Variants in SLC20A2 observed in about 807,000 individuals in gnomAD.
SLC20A2 encodes sodium-dependent phosphate transporter 2.
A neutral mutation model predicts 61.0 loss-of-function variants in SLC20A2; 30 were observed. The observed-to-expected ratio is 0.49, with a 90% confidence interval of 0.37 to 0.67. SLC20A2 has a LOEUF of 0.67. SLC20A2 is among the 30% of genes least tolerant of loss of function. The pLI is 0.00. For synonymous variants in SLC20A2, 351 were observed against 353.3 expected (o/e 0.99, Z 0.07); for missense variants, 626 against 866.4 (o/e 0.72, Z 3.48).
chr8:42,483,718 G>A (rs781731902), intron 1 of SLC20A2, among the ~76,000 whole-genome samples: 3 of 152,154 alleles, frequency 2.0e-5, no homozygotes, highest in Admixed American at 1.3e-4. Flanking sequence ...GTAGATATTC[G>A]TGAGCAAATC....
At chr8:42,533,803 C>A (rs1287968112) in intron 1 of SLC20A2, among the ~76,000 whole-genome samples, 1 of 151,038 alleles carries the variant, frequency 6.6e-6, no homozygotes, top group Non-Finnish European at 1.5e-5. Flanking sequence ...GGATTACAGG[C>A]GTGCACCACC....
chr8:42,429,142 C>A (rs1356854957), intron 9 of SLC20A2, among the ~76,000 whole-genome samples: 4 of 152,158 alleles, frequency 2.6e-5, no homozygotes, highest in African/African-American at 9.7e-5. Flanking sequence ...TCAGTCATTT[C>A]TAAAACGCAA....
chr8:42,492,342 C>G (rs755800330), intron 1 of SLC20A2, among the ~76,000 whole-genome samples: 1 of 152,116 alleles, frequency 6.6e-6, no homozygotes, highest in African/African-American at 2.4e-5. Context: ...GGCAACAGAA[C>G]AAGACTCTGT....
chr8:42,477,090 G>A (rs948881518), intron 1 of SLC20A2, among the ~76,000 whole-genome samples: 4 of 152,284 alleles, frequency 2.6e-5, no homozygotes, highest in African/African-American at 7.2e-5. Context: ...AGGCCCCGTC[G>A]CAGTTCTGTT....
chr8:42,429,624 G>A (rs1473441265), intron 9 of SLC20A2, among the ~76,000 whole-genome samples: 3 of 152,184 alleles, frequency 2.0e-5, no homozygotes, highest in African/African-American at 7.2e-5. Context: ...GGCAGGGGGC[G>A]CCTCCCTGTC....
intron 1 of SLC20A2, among the ~76,000 whole-genome samples, chr8:42,497,796 C>A (rs1330474925): frequency 3.3e-5 from 5 of 150,752 alleles, no homozygotes; most frequent in Non-Finnish European, 7.4e-5. Context: ...ACCTTAGAGA[C>A]TGGCTGAGGT....
intron 7 of SLC20A2, among the ~76,000 whole-genome samples, chr8:42,438,050 TAAAAAAAAAAACC>T (rs1325604838): frequency 0.044 from 700 of 15,970 alleles, 35 homozygotes; most frequent in South Asian, 0.17. Context: ...TGGTTACCAC[TAAAAAAAAAAACC>T]AAAAAAAAAA....
At chr8:42,510,072 G>C (rs568847626) in intron 1 of SLC20A2, among the ~76,000 whole-genome samples, 1 of 152,228 alleles carries the variant, frequency 6.6e-6, no homozygotes, top group East Asian at 1.9e-4. Context: ...AATTTGGCTT[G>C]AACTAGATAT....
chr8:42,526,641 C>T (rs1811970569), intron 1 of SLC20A2, among the ~76,000 whole-genome samples: 1 of 149,574 alleles, frequency 6.7e-6, no homozygotes, highest in Non-Finnish European at 1.5e-5. Flanking sequence ...CCACTGCACC[C>T]CAGCCTGGGC....
chr8:42,532,827 C>A (rs762263915), intron 1 of SLC20A2, among the ~76,000 whole-genome samples: 3 of 151,998 alleles, frequency 2.0e-5, no homozygotes, highest in Non-Finnish European at 4.4e-5. Flanking sequence ...GGACCACAGG[C>A]GAGGGTGAAG....
intron 1 of SLC20A2, among the ~76,000 whole-genome samples, chr8:42,520,269 C>T (rs1451793645): frequency 6.6e-6 from 1 of 151,532 alleles, no homozygotes; most frequent in Non-Finnish European, 1.5e-5. Context: ...CCGCCTCAGC[C>T]TCCCAAAGTG....
At chr8:42,491,896 A>T (rs1809543541) in intron 1 of SLC20A2, among the ~76,000 whole-genome samples, 1 of 152,190 alleles carries the variant, frequency 6.6e-6, no homozygotes, top group Non-Finnish European at 1.5e-5. Context: ...GGTGTGCAGG[A>T]GAGCTTTGGG....
intron 8 of SLC20A2, among the ~76,000 whole-genome samples, chr8:42,436,729 C>G (rs1804291163): frequency 6.6e-6 from 1 of 152,244 alleles, no homozygotes; most frequent in South Asian, 2.1e-4. Flanking sequence ...CGTCACCGGC[C>G]AGCCCTTCCC....
intron 1 of SLC20A2, chr8:42,541,548 G>A (rs1468972900): frequency 6.8e-6 from 1 of 146,434 alleles, no homozygotes; most frequent in Non-Finnish European, 1.5e-5. Context: ...CTGGCTCCTC[G>A]TTTCATCCGG....
chr8:42,424,401 C>T lies in SLC20A2; in HGVS notation c.1794+4357G>A, dbSNP rs556279366. ...TGCAATCTCCACTCACCACAACCTC[C>T]GCCTCCCGGGTTCAAGCGATTCTCC... is the stretch of plus-strand genomic sequence containing the variant. On this transcript the variant is annotated intron_variant, in intron 10 of 10. Coordinates refer to ENST00000520262, the MANE Select transcript of SLC20A2 (RefSeq NM_001257180.2). Among the ~76,000 whole-genome samples the T allele has an allele frequency of 8.5e-5, 13 of 152,246 alleles. No individual in the cohort carries two copies. The South Asian group carries it at 1.0e-3, about 12-fold the overall frequency.
intron 8 of SLC20A2, among the ~76,000 whole-genome samples, chr8:42,434,139 T>A (rs1218227466): frequency 6.7e-6 from 1 of 148,516 alleles, no homozygotes; most frequent in Non-Finnish European, 1.5e-5. Context: ...CAGGCTGGAG[T>A]GCAGTGGTGT....
At chr8:42,448,240 C>T (rs1246732574) in intron 5 of SLC20A2, among the ~76,000 whole-genome samples, 1 of 152,264 alleles carries the variant, frequency 6.6e-6, no homozygotes, top group Non-Finnish European at 1.5e-5. Context: ...AATTGTGCTA[C>T]TTTCGGCTTA....
At chr8:42,432,762 C>G (rs2130979297) in intron 8 of SLC20A2, among the ~76,000 whole-genome samples, 1 of 152,270 alleles carries the variant, frequency 6.6e-6, no homozygotes, top group East Asian at 1.9e-4. Flanking sequence ...TAATGAATTG[C>G]TGAATGTTCA....
intron 5 of SLC20A2, among the ~76,000 whole-genome samples, chr8:42,446,425 T>G (rs1237058929): frequency 2.6e-5 from 4 of 152,220 alleles, no homozygotes; most frequent in African/African-American, 9.6e-5. Context: ...ATACATAAAC[T>G]CACAGGTAGT....
Sources: gnomAD v4.1 joint callset for allele counts (sites outside exome capture counted in the v4.1 genomes callset) on GRCh38, gnomAD v4.1.1 for gene constraint, MANE v1.5 for transcripts, NCBI Gene and HGNC (gene_info 2026-07-23, HGNC 2026-07-21) for gene names.